The following ZNF334 variants were observed in gnomAD, a reference collection of about 807,000 sequenced individuals.
ZNF334 encodes zinc finger protein 334.
Under a neutral mutation model 12.4 loss-of-function variants are expected in ZNF334, and 14 were observed. The ratio of observed to expected loss-of-function variants is 1.13; its 90% CI spans 0.74 to 1.76. ZNF334 has a LOEUF of 1.76. Ranked by LOEUF, ZNF334 falls within the 40% of genes most tolerant of loss-of-function variation. The pLI is 0.00. For missense variants in ZNF334, 797 were observed against 804.5 expected, an observed-to-expected ratio of 0.99 and a Z score of 0.11; for synonymous variants, 273 against 269.6, an observed-to-expected ratio of 1.01 and a Z score of -0.12.
chr20:46,482,526 T>C, the ZNF334 span, among the ~76,000 whole-genome samples: 6 of 152,238 alleles, frequency 3.9e-5, no homozygotes, highest in African/African-American at 1.4e-4. Flanking sequence ...TCAAATTATA[T>C]AAGAAATCTA....
At chr20:46,490,221 C>T in the ZNF334 span, among the ~76,000 whole-genome samples, 1 of 152,062 alleles carries the variant, frequency 6.6e-6, no homozygotes, top group African/African-American at 2.4e-5. Flanking sequence ...TTCAAATTAA[C>T]AAAGATGTAG....
downstream of ZNF334, among the ~76,000 whole-genome samples, chr20:46,494,637 C>G (rs983300941): frequency 6.6e-6 from 1 of 152,074 alleles, no homozygotes; most frequent in Non-Finnish European, 1.5e-5. Flanking sequence ...ATACATGGGA[C>G]CTGTCATCCC....
At chr20:46,466,001 G>C in the ZNF334 span, among the ~76,000 whole-genome samples, 1 of 152,040 alleles carries the variant, frequency 6.6e-6, no homozygotes, top group Non-Finnish European at 1.5e-5. Context: ...CTGGGGAAGA[G>C]GGGGAATTCA....
the ZNF334 span, among the ~76,000 whole-genome samples, chr20:46,470,421 T>C: frequency 6.6e-6 from 1 of 152,210 alleles, no homozygotes; most frequent in Non-Finnish European, 1.5e-5. Context: ...TGAAGGAAAC[T>C]ACCCTGAGAT....
chr20:46,487,445 T>C, the ZNF334 span, among the ~76,000 whole-genome samples: 2 of 152,206 alleles, frequency 1.3e-5, no homozygotes, highest in African/African-American at 4.8e-5. Flanking sequence ...ATTCGTGTAT[T>C]TGTCTGTTCT....
chr20:46,504,201 A>T lies in ZNF334; in HGVS notation c.241+13T>A. ...TTCCATTGGTTCCACCTGCTCAGTT[A>T]TCATTTACTTACCTGGGTAGTTCTG... On this transcript the variant is annotated intron_variant, in intron 4 of 4. Transcript: ENST00000692313. 6.3e-7 allele frequency: 1 copy of T among 1,582,810 alleles called. No individual in the cohort carries two copies.
the ZNF334 span, among the ~76,000 whole-genome samples, chr20:46,486,078 A>G: frequency 1.3e-5 from 2 of 152,228 alleles, no homozygotes; most frequent in Non-Finnish European, 2.9e-5. Context: ...GAATAAAACC[A>G]TGTATCCTGT....
the ZNF334 span, among the ~76,000 whole-genome samples, chr20:46,493,980 T>C: frequency 5.3e-5 from 8 of 152,120 alleles, no homozygotes; most frequent in East Asian, 5.8e-4. Flanking sequence ...CCTGAATAGT[T>C]TGCACCATTC....
At chr20:46,465,539 C>T in the ZNF334 span, among the ~76,000 whole-genome samples, 1 of 152,060 alleles carries the variant, frequency 6.6e-6, no homozygotes, top group African/African-American at 2.4e-5. Context: ...CTCTAAAAAA[C>T]CAAAACAAAC....
chr20:46,506,456 T>A, intron 2 of ZNF334: 1 of 405,982 alleles, frequency 2.5e-6, no homozygotes, highest in Non-Finnish European at 4.3e-6. Context: ...CAAAACCCCA[T>A]CTCTACAAAA....
chr20:46,506,421 C>A, intron 2 of ZNF334: 1 of 477,726 alleles, frequency 2.1e-6, no homozygotes, highest in Non-Finnish European at 3.7e-6. Context: ...AGCTCAGAAG[C>A]TCAAGATCAG....
At chr20:46,509,912 T>C (rs1274931465) in intron 2 of ZNF334, among the ~76,000 whole-genome samples, 1 of 152,218 alleles carries the variant, frequency 6.6e-6, no homozygotes, top group Non-Finnish European at 1.5e-5. Flanking sequence ...TCAGCACAGT[T>C]TGAATTGCTT....
Position 46,502,158 on chromosome 20 carries a change from G to C in ZNF334, c.1181C>G (p.Ala394Gly), listed in dbSNP as rs151029464. The change falls in exon 5 of 5, where the codon GCG (alanine) becomes GGG (glycine). Residue 394 changes from alanine to glycine, a missense_variant. Physicochemically the swap from Ala to Gly is moderately conservative, Grantham distance 60. Transcript: ENST00000692313. ...KTFFCQSALT[A>G]HQRIHTGEKP... Reference sequence around the variant, plus strand: ...TTCCCCTGTGTGAATTCTCTGATGCGCAGTAAGGGCTGACTGACAGAAGAA... The same window carrying C: ...TTCCCCTGTGTGAATTCTCTGATGCCCAGTAAGGGCTGACTGACAGAAGAA... The C allele has an allele frequency of 6.2e-7, 1 of 1,613,426 alleles. No individual in the cohort carries two copies. Among genetic ancestry groups the C allele is most frequent in the Non-Finnish European group, 8.5e-7 (1 of 1,179,880 alleles).
At chr20:46,490,844 T>C in the ZNF334 span, 11 of 152,322 alleles carry the variant, frequency 7.2e-5, no homozygotes, top group East Asian at 1.9e-4. Context: ...TCAACCAGCA[T>C]TGGCAACGTT....
intron 2 of ZNF334, among the ~76,000 whole-genome samples, chr20:46,510,392 G>C (rs958697934): frequency 6.6e-6 from 1 of 151,966 alleles, no homozygotes; most frequent in Non-Finnish European, 1.5e-5. Flanking sequence ...TAGCAAGCTC[G>C]ACAAACAGGT....
chr20:46,502,245 A>T lies in ZNF334; in HGVS notation c.1094T>A (p.Val365Asp). The stretch of plus-strand genomic sequence containing the variant: ...TCCTCTGTGAGTTCTTTGATGTACA[A>T]CAAGATACGATTTCTTGCTGAAGGC... ...GNAFSKKSYL[V>D]VHQRTHRGEK... The change falls in exon 5 of 5, where the codon GTT becomes GAT. Residue 365 changes from valine (V) to aspartate (D), a missense_variant. Transcript: ENST00000692313. 1.2e-5 allele frequency: 19 copies of T among 1,614,082 alleles called. No homozygotes were observed. Among genetic ancestry groups the T allele is most frequent in the Non-Finnish European group, 1.5e-5 (18 of 1,179,976 alleles).
At chr20:46,465,499 A>G in the ZNF334 span, among the ~76,000 whole-genome samples, 1 of 152,166 alleles carries the variant, frequency 6.6e-6, no homozygotes, top group South Asian at 2.1e-4. Flanking sequence ...GGAGTTTGAG[A>G]CCATCCTGGG....
the ZNF334 span, among the ~76,000 whole-genome samples, chr20:46,483,666 C>T: frequency 1.3e-5 from 2 of 152,122 alleles, no homozygotes; most frequent in Non-Finnish European, 2.9e-5. Flanking sequence ...AGTAAACATT[C>T]CCATATTTGC....
downstream of ZNF334, among the ~76,000 whole-genome samples, chr20:46,494,703 T>C (rs1283378924): frequency 6.6e-6 from 1 of 152,214 alleles, no homozygotes; most frequent in African/African-American, 2.4e-5. Flanking sequence ...TTTCATATGT[T>C]TCAAATACAC....
Sources: gnomAD v4.1 joint callset for allele counts (sites outside exome capture counted in the v4.1 genomes callset) on GRCh38, gnomAD v4.1.1 for gene constraint, MANE v1.5 for transcripts, NCBI Gene and HGNC (gene_info 2026-07-23, HGNC 2026-07-21) for gene names.